Variants in LRRC28 observed in about 807,000 individuals in gnomAD.
LRRC28 encodes the protein leucine rich repeat containing 28, also known as leucine-rich repeat-containing protein 28.
A neutral mutation model predicts 45.7 loss-of-function variants in LRRC28; 39 were observed. The ratio of observed to expected loss-of-function variants is 0.85; its 90% CI spans 0.66 to 1.12. The LOEUF is 1.12. Among genes scored for constraint, LRRC28 ranks in the 50% most tolerant of loss-of-function variants. LRRC28 has a pLI of 0.00. For synonymous variants in LRRC28, 206 were observed against 178.8 expected (o/e 1.15, Z -1.22); for missense variants, 435 against 438.5 (o/e 0.99, Z 0.07).
At chr15:99,363,438 G>A in intron 9 of LRRC28, 173 bp downstream of exon 9, 1 of 647,266 alleles carries the variant, frequency 1.5e-6, no homozygotes, top group East Asian at 3.0e-5. Context: ...AAGAAAACTG[G>A]ACTTGCCTTT....
intron 2 of LRRC28, chr15:99,259,570 C>T (rs570408906): frequency 5.9e-5 from 86 of 1,449,998 alleles, no homozygotes; most frequent in East Asian, 1.8e-4. Flanking sequence ...CCAGCCAGTA[C>T]GGGTGGTCTG....
At chr15:99,292,274 T>C (rs1159065707) in intron 5 of LRRC28, among the ~76,000 whole-genome samples, 1 of 152,212 alleles carries the variant, frequency 6.6e-6, no homozygotes, top group Non-Finnish European at 1.5e-5. Flanking sequence ...TTTCTCTCTT[T>C]TCTTGCCCTC....
At chr15:99,317,132 C>T (rs1015911566) in intron 5 of LRRC28, among the ~76,000 whole-genome samples, 1 of 152,080 alleles carries the variant, frequency 6.6e-6, no homozygotes, top group African/African-American at 2.4e-5. Context: ...TAGGATTTAG[C>T]ATCCCATTTT....
At chr15:99,269,882 C>G (rs2081428880) in intron 2 of LRRC28, among the ~76,000 whole-genome samples, 1 of 152,094 alleles carries the variant, frequency 6.6e-6, no homozygotes, top group African/African-American at 2.4e-5. Flanking sequence ...TGAAGTGAGT[C>G]AAGAGACAAA....
intron 3 of LRRC28, among the ~76,000 whole-genome samples, chr15:99,277,707 C>A (rs1456683442): frequency 1.3e-5 from 2 of 151,948 alleles, no homozygotes; most frequent in Non-Finnish European, 2.9e-5. Context: ...TGCTTTCATC[C>A]TTTTGTATGT....
intron 3 of LRRC28, among the ~76,000 whole-genome samples, chr15:99,280,292 A>G (rs747458443): frequency 1.3e-5 from 2 of 151,918 alleles, no homozygotes; most frequent in African/African-American, 2.4e-5. Context: ...AAAGTTTTAC[A>G]TTTTGATGAG....
At chr15:99,342,906 CTG>C (rs1023521742) in intron 6 of LRRC28, among the ~76,000 whole-genome samples, 10 of 152,194 alleles carry the variant, frequency 6.6e-5, no homozygotes, top group African/African-American at 1.4e-4. Context: ...TTAATGGAGT[CTG>C]TGTGTTTGTG....
chr15:99,316,298 A>C (rs1307681230), intron 5 of LRRC28, among the ~76,000 whole-genome samples: 3 of 152,222 alleles, frequency 2.0e-5, no homozygotes, highest in African/African-American at 7.2e-5. Context: ...TTATTTGAAC[A>C]GTAGTTGTAT....
At chr15:99,341,623 G>A (rs553792935) in intron 6 of LRRC28, among the ~76,000 whole-genome samples, 1 of 152,252 alleles carries the variant, frequency 6.6e-6, no homozygotes, top group East Asian at 1.9e-4. Flanking sequence ...GATTTAGGGG[G>A]TGGGACATGA....
chr15:99,320,092 C>G (rs1955741896), intron 5 of LRRC28, among the ~76,000 whole-genome samples: 1 of 152,164 alleles, frequency 6.6e-6, no homozygotes, highest in Non-Finnish European at 1.5e-5. Context: ...CAGGCGTGAG[C>G]CACCGTGCCC....
At chr15:99,275,273 G>A (rs1161768867) in intron 2 of LRRC28, among the ~76,000 whole-genome samples, 1 of 152,194 alleles carries the variant, frequency 6.6e-6, no homozygotes, top group African/African-American at 2.4e-5. Flanking sequence ...TTCTTTTCAT[G>A]GAAAGGCCAG....
intron 5 of LRRC28, among the ~76,000 whole-genome samples, chr15:99,290,488 A>G (rs1303090349): frequency 6.6e-6 from 1 of 152,134 alleles, no homozygotes; most frequent in South Asian, 2.1e-4. Flanking sequence ...TACACAGAAA[A>G]TGAGATACTC....
intron 7 of LRRC28, among the ~76,000 whole-genome samples, chr15:99,357,303 T>C (rs1177362134): frequency 6.6e-6 from 1 of 152,186 alleles, no homozygotes; most frequent in African/African-American, 2.4e-5. Context: ...TCCTCACAAA[T>C]GTATATGCTC....
chr15:99,307,324 C>T (rs780428444), intron 5 of LRRC28, among the ~76,000 whole-genome samples: 3 of 152,174 alleles, frequency 2.0e-5, no homozygotes, highest in Non-Finnish European at 2.9e-5. Context: ...TCAAATCCCA[C>T]GGACTTGAGG....
chr15:99,366,940 G>C (rs144415973), intron 9 of LRRC28, among the ~76,000 whole-genome samples: 1 of 152,150 alleles, frequency 6.6e-6, no homozygotes, highest in Non-Finnish European at 1.5e-5. Flanking sequence ...ATATAACACT[G>C]AATGTTTCAC....
chr15:99,370,251 C>T (rs1320461512), intron 9 of LRRC28, among the ~76,000 whole-genome samples: 1 of 152,068 alleles, frequency 6.6e-6, no homozygotes, highest in Non-Finnish European at 1.5e-5. Context: ...AGAGAAATCT[C>T]GAAATAAATA....
At chr15:99,335,196 A>AC (rs1187226683) in intron 6 of LRRC28, among the ~76,000 whole-genome samples, 1 of 152,174 alleles carries the variant, frequency 6.6e-6, no homozygotes, top group Non-Finnish European at 1.5e-5. Context: ...TGCTGCACTA[A>AC]CCCCACAGGT....
At chr15:99,286,456 T>G (rs949842398) in intron 3 of LRRC28, among the ~76,000 whole-genome samples, 1 of 152,196 alleles carries the variant, frequency 6.6e-6, no homozygotes, top group Non-Finnish European at 1.5e-5. Flanking sequence ...TAAAGTACAA[T>G]AAATAAAACC....
At chr15:99,337,840 G>C (rs1228425129) in intron 6 of LRRC28, 1 of 152,292 alleles carries the variant, frequency 6.6e-6, no homozygotes, top group Non-Finnish European at 1.5e-5. Flanking sequence ...CCTGTGAGTA[G>C]GTTTTACTTT....
Sources: allele counts gnomAD v4.1 joint callset (sites outside exome capture counted in the v4.1 genomes callset), GRCh38; gene constraint gnomAD v4.1.1; transcripts MANE v1.5; gene names NCBI Gene and HGNC (gene_info 2026-07-23, HGNC 2026-07-21).